The following MPRIP variants were observed in gnomAD, a reference collection of about 807,000 sequenced individuals.
The protein encoded by MPRIP is myosin phosphatase Rho interacting protein.
In MPRIP, 59 loss-of-function variants were observed where a neutral mutation model predicts 234.9. The observed-to-expected ratio is 0.25, with a 90% CI of 0.20 to 0.31. The LOEUF is 0.31. Among genes scored for constraint, MPRIP ranks in the 10% least tolerant of loss-of-function variants. MPRIP has a pLI of 1.00. For missense variants in MPRIP, 2,436 were observed against 3,071.0 expected (o/e 0.79, Z 4.89); for synonymous variants, 1,144 against 1,263.9 (o/e 0.91, Z 2.01).
In MPRIP at chr17:17,142,724, C is replaced by T. The variant is rs1263894617; in HGVS notation, c.1348C>T (p.Arg450Cys). 17 of 1,612,432 alleles carry T rather than the reference C, an allele frequency of 1.1e-5. No homozygotes were observed. Among genetic ancestry groups the T allele is most frequent in the East Asian group, 8.9e-5 (4 of 44,890 alleles). ...GGGGCCCTCACCATCCAGCGACACA[C>T]GCCAGGGCCGCAGCGAGAAGAGGGC... ...AVGPSPSSDT[R>C]QGRSEKRAFP... The change falls in exon 8 of 24, where the codon CGC (arginine) becomes TGC (cysteine). Residue 450 changes from arginine to cysteine, a missense_variant. Transcript: ENST00000651222.
chr17:17,103,254 C>G (rs557989620), intron 3 of MPRIP, among the ~76,000 whole-genome samples: 8 of 152,306 alleles, frequency 5.3e-5, no homozygotes, highest in African/African-American at 1.9e-4. Flanking sequence ...TGGAAAAAAG[C>G]ATTGGTGACG....
chr17:17,171,941 T>C, intron 17 of MPRIP, 76 bp downstream of exon 17: 1 of 1,469,150 alleles, frequency 6.8e-7, no homozygotes, highest in Non-Finnish European at 9.2e-7. Flanking sequence ...CTCAGAGGAA[T>C]GGCAGCCTTT....
intron 3 of MPRIP, among the ~76,000 whole-genome samples, chr17:17,104,087 T>G (rs2090016168): frequency 1.3e-5 from 2 of 152,332 alleles, no homozygotes; most frequent in South Asian, 4.1e-4. Flanking sequence ...TGTCAGATAT[T>G]CATGTGACAC....
In MPRIP at chr17:17,189,186, T is replaced by G. The variant is rs1011665574; in HGVS notation, c.*4292T>G. ...GGGGTTTTTTTGGGTGGAGGGGGGT[T>G]GTTTTTTGTTTTTTGTTTTCAAGAC... On this transcript the variant is annotated 3_prime_UTR_variant, in exon 24 of 24. Transcript: ENST00000651222. 7.2e-5 allele frequency: 11 copies of G among 151,868 alleles called. No individual in the cohort carries two copies. Among genetic ancestry groups the G allele is most frequent in the African/African-American group, 2.2e-4 (9 of 41,292 alleles). The allele number at this position is 151,868 out of a possible 1,614,324, so 9.4% of individuals were successfully genotyped here.
intron 1 of MPRIP, among the ~76,000 whole-genome samples, chr17:17,049,631 A>G (rs972452726): frequency 6.6e-6 from 1 of 152,236 alleles, no homozygotes; most frequent in African/African-American, 2.4e-5. Context: ...TCAAGCTTTC[A>G]TCAAATCCCG....
At chr17:17,119,644 T>A (rs1258801309) in intron 3 of MPRIP, among the ~76,000 whole-genome samples, 1 of 152,092 alleles carries the variant, frequency 6.6e-6, no homozygotes, top group Non-Finnish European at 1.5e-5. Context: ...ACCCAGGAAG[T>A]GGTGAATACA....
At chr17:17,088,918 C>T (rs755024136) in intron 3 of MPRIP, among the ~76,000 whole-genome samples, 2 of 152,200 alleles carry the variant, frequency 1.3e-5, no homozygotes, top group Non-Finnish European at 2.9e-5. Flanking sequence ...GGAGCAGTTG[C>T]ACTGGTGGGA....
At position 17,180,051 on chromosome 17, in the gene MPRIP, C is replaced by T. The variant is rs749300636; in HGVS notation, c.7169C>T (p.Ser2390Phe). The T allele has an allele frequency of 1.3e-6, 2 of 1,592,352 alleles. No individual in the cohort carries two copies. Among genetic ancestry groups the T allele is most frequent in the African/African-American group, 2.7e-5 (2 of 73,240 alleles). Residue 2390 changes from serine to phenylalanine, a missense_variant, in exon 23 of 24, where the codon TCC becomes TTC. Ser to Phe is a radical substitution (Grantham distance 155). Transcript: ENST00000651222. Reference protein sequence around the residue: ...SNPDFLKKDRSCVTRQLRNIR... With the variant: ...SNPDFLKKDRFCVTRQLRNIR... ...CCTGACTTCTTGAAGAAAGACAGATCCTGTGTCACCCGGCAACTCAGAAAC... is the reference window on the plus strand; with the variant it reads ...CCTGACTTCTTGAAGAAAGACAGATTCTGTGTCACCCGGCAACTCAGAAAC...
rs1212987848 is a variant in MPRIP at position 17,166,013 on chromosome 17, G to C, written c.4422G>C (p.Gln1474His). The C allele has an allele frequency of 7.7e-7, 1 of 1,304,254 alleles. No homozygotes were observed. Among genetic ancestry groups the C allele is most frequent in the Non-Finnish European group, 1.0e-6 (1 of 988,912 alleles). The allele number at this position is 1,304,254 out of a possible 1,614,324, so 80.8% of individuals were successfully genotyped here. A position where few individuals can be genotyped will look rare whatever the true frequency, so the allele number is the denominator to read the frequency against. Residue 1474 changes from glutamine to histidine, a missense_variant, in exon 16 of 24, where the codon CAG (glutamine) becomes CAC (histidine). Physicochemically the swap from Gln to His is conservative, Grantham distance 24 (BLOSUM62 0). Coordinates refer to ENST00000651222, the MANE Select transcript of MPRIP (RefSeq NM_001364716.4). The surrounding 1 kb of genome is among the most constrained non-coding windows in gnomAD (Gnocchi z 4.4). ...ELGDFQVKNS[Q>H]ALMCLENCRE... ...GGGACTTCCAGGTCAAGAATAGTCA[G>C]GCCCTGATGTGCCTGGAAAATTGCC...
intron 15 of MPRIP, among the ~76,000 whole-genome samples, chr17:17,162,722 A>G (rs111888906): frequency 9.8e-5 from 15 of 152,296 alleles, no homozygotes; most frequent in African/African-American, 3.4e-4. Flanking sequence ...AAATTCGAAA[A>G]TCTGAAATGC....
In MPRIP at chr17:17,098,142, G is replaced by T. The variant is rs75091921; in HGVS notation, c.267+20066G>T. Among the ~76,000 whole-genome samples the T allele has an allele frequency of 6.3e-3, 962 of 152,254 alleles. 5 individuals are homozygous for T. Among genetic ancestry groups the T allele is most frequent in the African/African-American group, 0.021 (889 of 41,542 alleles). On this transcript the variant is annotated intron_variant, in intron 3 of 23. Coordinates refer to ENST00000651222, the MANE Select transcript of MPRIP (RefSeq NM_001364716.4). ...ACCAGGGTTCCAATGCCAAGTAGTG[G>T]CATTCACGCACCTTTTGATAAGCGA...
intron 6 of MPRIP, among the ~76,000 whole-genome samples, chr17:17,137,051 A>G (rs1404563950): frequency 6.6e-6 from 1 of 152,186 alleles, no homozygotes; most frequent in Non-Finnish European, 1.5e-5. Context: ...ATTGTTAAAA[A>G]TAAGTGAGCA....
At chr17:17,143,133 ATCC>A (rs2144510360) in intron 8 of MPRIP, among the ~76,000 whole-genome samples, 1 of 152,256 alleles carries the variant, frequency 6.6e-6, no homozygotes, top group African/African-American at 2.4e-5. Flanking sequence ...GGCTTCTGAA[ATCC>A]TCCTGGGCAC....
intron 6 of MPRIP, among the ~76,000 whole-genome samples, chr17:17,136,828 ATC>A (rs2090711273): frequency 6.6e-6 from 1 of 152,114 alleles, no homozygotes; most frequent in South Asian, 2.1e-4. Context: ...AGTCAGTCTC[ATC>A]CCTCTCACCA....
At chr17:17,177,925 ATTTTT>A (rs35154903) in intron 22 of MPRIP, among the ~76,000 whole-genome samples, 3 of 127,264 alleles carry the variant, frequency 2.4e-5, no homozygotes, top group South Asian at 2.6e-4. Flanking sequence ...CTCATACGTA[ATTTTT>A]TTTTTTTTTT....
chr17:17,142,775 T>C lies in MPRIP; in HGVS notation c.1389+10T>C. 6.2e-7 allele frequency: 1 copy of C among 1,611,198 alleles called. No individual in the cohort carries two copies. The highest frequency in any genetic ancestry group is 8.5e-7 in the Non-Finnish European group (1 of 1,179,162). On this transcript the variant is annotated intron_variant, in intron 8 of 23. Transcript: ENST00000651222. ...GTTCCCTAGGAAGCGGGTGAGCTCC[T>C]GGGGCTGGGCAGCACCTCAGGGGTG...
At chr17:17,107,163 C>T (rs897452166) in intron 3 of MPRIP, among the ~76,000 whole-genome samples, 5 of 152,218 alleles carry the variant, frequency 3.3e-5, no homozygotes, top group Non-Finnish European at 5.9e-5. Flanking sequence ...GGCTCTAGCC[C>T]CCTGCCCCTC....
chr17:17,066,162 G>C (rs936669768), intron 1 of MPRIP, among the ~76,000 whole-genome samples: 1 of 152,146 alleles, frequency 6.6e-6, no homozygotes, highest in East Asian at 1.9e-4. Flanking sequence ...CTAGAAATTC[G>C]CGCACTATGT....
At chr17:17,169,896 TA>T (rs1212260779) in intron 16 of MPRIP, among the ~76,000 whole-genome samples, 1 of 152,230 alleles carries the variant, frequency 6.6e-6, no homozygotes, top group Non-Finnish European at 1.5e-5. Flanking sequence ...CAAGATCAAT[TA>T]TTTTTTAGCA....
Sources: gnomAD v4.1 joint callset for allele counts (sites outside exome capture counted in the v4.1 genomes callset) on GRCh38, gnomAD v4.1.1 for gene constraint, Gnocchi (gnomAD v3.1) non-coding constraint, MANE v1.5 for transcripts, NCBI Gene and HGNC (gene_info 2026-07-23, HGNC 2026-07-21) for gene names.